Variants in PRKN observed in about 807,000 individuals in gnomAD.
PRKN encodes the protein parkin RBR E3 ubiquitin protein ligase.
PRKN carries 56 observed loss-of-function variants against 59.5 expected under a neutral mutation model. That is an observed-to-expected ratio of 0.94 (90% CI 0.76 to 1.18). PRKN has a LOEUF of 1.18. Ranked by LOEUF, PRKN falls within the 50% of genes most tolerant of loss-of-function variation. The probability of loss-of-function intolerance (pLI) is 0.00; values close to 1 mark genes in which losing one functional copy is unlikely to be tolerated. For missense variants in PRKN, 657 were observed against 596.4 expected, an observed-to-expected ratio of 1.10 and a Z score of -1.06; for synonymous variants, 250 against 222.1, an observed-to-expected ratio of 1.13 and a Z score of -1.12.
chr6:161,692,694 C>T (rs960498860), intron 7 of PRKN, among the ~76,000 whole-genome samples: 8 of 152,062 alleles, frequency 5.3e-5, no homozygotes, highest in Non-Finnish European at 1.0e-4. Context: ...CATTTGAGGT[C>T]GAGAATTTGA....
chr6:161,695,492 C>T (rs1238770045), intron 7 of PRKN, among the ~76,000 whole-genome samples: 1 of 152,172 alleles, frequency 6.6e-6, no homozygotes, highest in East Asian at 1.9e-4. Flanking sequence ...GTGTTCTCAG[C>T]AAAGGCCTGA....
intron 6 of PRKN, among the ~76,000 whole-genome samples, chr6:161,904,509 G>A (rs1367137096): frequency 6.6e-6 from 1 of 151,914 alleles, no homozygotes; most frequent in East Asian, 1.9e-4. Flanking sequence ...TAGAGACGGG[G>A]TTTCACTGTG....
At chr6:161,500,918 C>A (rs184935420) in intron 9 of PRKN, among the ~76,000 whole-genome samples, 14 of 147,134 alleles carry the variant, frequency 9.5e-5, no homozygotes, top group African/African-American at 3.6e-4. Context: ...CTCTGTCGCC[C>A]GGGCTGGAGT....
intron 2 of PRKN, among the ~76,000 whole-genome samples, chr6:162,333,228 CTTT>C (rs200926335): frequency 9.4e-5 from 13 of 137,938 alleles, no homozygotes; most frequent in South Asian, 2.3e-4. Context: ...ACATTAAAAT[CTTT>C]TTTTTTTTTT....
chr6:161,533,549 A>C lies in PRKN; in HGVS notation c.1083+15305T>G, dbSNP rs1779299230. Among the ~76,000 whole-genome samples, 1 of 152,134 alleles carries C rather than the reference A, an allele frequency of 6.6e-6. No homozygotes were observed. Among genetic ancestry groups the C allele is most frequent in the Non-Finnish European group, 1.5e-5 (1 of 68,024 alleles). On this transcript the variant is annotated intron_variant, in intron 9 of 11. Coordinates refer to ENST00000366898, the MANE Select transcript of PRKN (RefSeq NM_004562.3). This position sits in a 1 kb window ranked among gnomAD's most constrained non-coding sequence, Gnocchi z 4.1. ...GACAAGATAGCCCCACCAAGTGGAA[A>C]GCCCATTTGCATAATAAGATTAGGG... is the stretch of plus-strand genomic sequence containing the variant.
At chr6:161,629,405 C>T (rs750954595) in intron 7 of PRKN, among the ~76,000 whole-genome samples, 5 of 152,064 alleles carry the variant, frequency 3.3e-5, no homozygotes, top group East Asian at 1.9e-4. Context: ...CCCTGCACCC[C>T]GGCAGTTGCT....
intron 7 of PRKN, among the ~76,000 whole-genome samples, chr6:161,712,294 G>C (rs1440618988): frequency 6.6e-6 from 1 of 152,146 alleles, no homozygotes. Flanking sequence ...TTAGCAAATA[G>C]GTTATTCTAA....
chr6:162,706,063 A>T (rs1778327365), intron 1 of PRKN, among the ~76,000 whole-genome samples: 1 of 150,262 alleles, frequency 6.7e-6, no homozygotes, highest in African/African-American at 2.4e-5. Context: ...GCAACTTTTA[A>T]TGTTATTTCA....
chr6:162,296,407 T>A (rs1405610587), intron 2 of PRKN, among the ~76,000 whole-genome samples: 1 of 152,038 alleles, frequency 6.6e-6, no homozygotes, highest in African/African-American at 2.4e-5. Context: ...CTGATACTCA[T>A]ATCACTCATC....
intron 6 of PRKN, among the ~76,000 whole-genome samples, chr6:161,874,844 A>AAATGTAT (rs1227466072): frequency 1.1e-4 from 11 of 100,892 alleles, no homozygotes; most frequent in East Asian, 3.0e-4. Context: ...ATAATATATA[A>AAATGTAT]AATATATAAA....
chr6:162,537,644 G>A (rs1439010372), intron 1 of PRKN, among the ~76,000 whole-genome samples: 1 of 152,064 alleles, frequency 6.6e-6, no homozygotes, highest in Non-Finnish European at 1.5e-5. Context: ...ACCCTATATT[G>A]CAGGCAAACA....
intron 7 of PRKN, among the ~76,000 whole-genome samples, chr6:161,643,837 T>G (rs1429102867): frequency 6.6e-6 from 1 of 152,002 alleles, no homozygotes; most frequent in Admixed American, 6.5e-5. Context: ...ATAACAACAA[T>G]GACATTTACA....
intron 7 of PRKN, among the ~76,000 whole-genome samples, chr6:161,770,495 T>G (rs2128202128): frequency 6.6e-6 from 1 of 151,548 alleles, no homozygotes; most frequent in Admixed American, 6.6e-5. Flanking sequence ...TGAGACAGAG[T>G]TTCATTCTGT....
chr6:161,782,092 A>C (rs538515070), intron 7 of PRKN, among the ~76,000 whole-genome samples: 2 of 152,312 alleles, frequency 1.3e-5, no homozygotes, highest in Non-Finnish European at 2.9e-5. Context: ...TCTGACAACA[A>C]TATGAAAATA....
chr6:161,815,409 G>A (rs1318953234), intron 6 of PRKN, among the ~76,000 whole-genome samples: 2 of 152,136 alleles, frequency 1.3e-5, no homozygotes, highest in African/African-American at 4.8e-5. Context: ...CTGATTATAG[G>A]TTACTTAGCA....
chr6:162,458,445 T>A (rs1022900691), intron 1 of PRKN, among the ~76,000 whole-genome samples: 79 of 133,398 alleles, frequency 5.9e-4, no homozygotes, highest in African/African-American at 1.0e-3. Context: ...AAAAAAAAAA[T>A]TTTTTTTAAA....
chr6:162,132,664 G>C lies in PRKN; in HGVS notation c.534+68467C>G, dbSNP rs978763699. On this transcript the variant is annotated intron_variant, in intron 4 of 11. Coordinates refer to ENST00000366898, the MANE Select transcript of PRKN (RefSeq NM_004562.3). ...TAAGAGGTGGTGACCACCTGAAGTG[G>C]AAATGGGGAGGCAGGGTCTGGTGTC... 2.6e-5 allele frequency among the ~76,000 whole-genome samples: 4 copies of C among 152,118 alleles called. No homozygotes were observed. The East Asian group carries it at 7.7e-4, about 29-fold the overall frequency.
At chr6:162,191,985 T>C (rs1194950131) in intron 4 of PRKN, among the ~76,000 whole-genome samples, 3 of 152,132 alleles carry the variant, frequency 2.0e-5, no homozygotes, top group African/African-American at 7.2e-5. Context: ...CCAACCAAGT[T>C]TTTAAACATG....
At chr6:162,270,926 C>T (rs1014116880) in intron 2 of PRKN, among the ~76,000 whole-genome samples, 7 of 151,820 alleles carry the variant, frequency 4.6e-5, no homozygotes, top group East Asian at 3.9e-4. Context: ...GCTGCTGCCT[C>T]GAACTCCCAG....
Sources: allele counts gnomAD v4.1 joint callset (sites outside exome capture counted in the v4.1 genomes callset), GRCh38; gene constraint gnomAD v4.1.1; non-coding constraint Gnocchi (gnomAD v3.1); transcripts MANE v1.5; gene names NCBI Gene and HGNC (gene_info 2026-07-23, HGNC 2026-07-21).